Variants in IL1RAPL2 observed in about 807,000 individuals in gnomAD.
The protein encoded by IL1RAPL2 is X-linked interleukin-1 receptor accessory protein-like 2.
A neutral mutation model predicts 44.1 loss-of-function variants in IL1RAPL2; 3 were observed. The ratio of observed to expected loss-of-function variants is 0.07; its 90% CI spans 0.03 to 0.18. The LOEUF (loss-of-function observed/expected upper bound fraction) is 0.18. Ranked by LOEUF, IL1RAPL2 falls within the 10% of genes least tolerant of loss-of-function variation. IL1RAPL2 has a pLI of 1.00. For synonymous variants in IL1RAPL2, 181 were observed against 178.8 expected, an observed-to-expected ratio of 1.01 and a Z score of -0.10; for missense variants, 391 against 496.4, an observed-to-expected ratio of 0.79 and a Z score of 2.02.
chrX:104,945,218 G>A (rs1051427626), intron 2 of IL1RAPL2, among the ~76,000 whole-genome samples: 1 of 110,575 alleles, frequency 9.0e-6, no homozygotes, highest in Admixed American at 9.7e-5. Context: ...ATAGTATAAT[G>A]GTGGGAAAGA....
chrX:105,642,301 A>T (rs1379445937), intron 6 of IL1RAPL2, among the ~76,000 whole-genome samples: 2 of 112,092 alleles, frequency 1.8e-5, no homozygotes, highest in African/African-American at 6.5e-5. Flanking sequence ...ATACTTCCCA[A>T]GTAATATACA....
chrX:104,924,044 TA>T (rs57049694), intron 2 of IL1RAPL2, among the ~76,000 whole-genome samples: 6,440 of 97,222 alleles, frequency 0.066, 534 homozygotes, highest in African/African-American at 0.22. Context: ...ATAACAATAG[TA>T]AAAAAAAAAA....
chrX:105,447,452 A>T (rs1194515327), intron 5 of IL1RAPL2, among the ~76,000 whole-genome samples: 2 of 72,786 alleles, frequency 2.7e-5, no homozygotes, highest in African/African-American at 5.8e-5. Context: ...TATAAATATA[A>T]ATAAACATAA....
intron 2 of IL1RAPL2, among the ~76,000 whole-genome samples, chrX:104,995,509 CAA>C (rs2030732650): frequency 9.0e-6 from 1 of 111,474 alleles, no homozygotes; most frequent in Admixed American, 9.6e-5. Flanking sequence ...GTCTGTTTCA[CAA>C]AATGTGCCCA....
intron 5 of IL1RAPL2, among the ~76,000 whole-genome samples, chrX:105,432,974 T>C (rs1222945473): frequency 9.0e-6 from 1 of 111,556 alleles, no homozygotes; most frequent in Non-Finnish European, 1.9e-5. Flanking sequence ...TTATAGACCA[T>C]GTCTGAGCAT....
chrX:105,092,780 G>A (rs1243017147), intron 2 of IL1RAPL2, among the ~76,000 whole-genome samples: 1 of 111,039 alleles, frequency 9.0e-6, no homozygotes, highest in Non-Finnish European at 1.9e-5. Flanking sequence ...CAATCAACTT[G>A]CCAAAAGTTG....
At chrX:104,594,922 A>T (rs1272643958) in intron 1 of IL1RAPL2, among the ~76,000 whole-genome samples, 2 of 112,084 alleles carry the variant, frequency 1.8e-5, no homozygotes, top group African/African-American at 6.5e-5. Flanking sequence ...TTAGATAGTG[A>T]GAAGATGATT....
chrX:104,898,119 C>A (rs1923706657), intron 2 of IL1RAPL2, among the ~76,000 whole-genome samples: 1 of 111,707 alleles, frequency 9.0e-6, no homozygotes, highest in African/African-American at 3.3e-5. Flanking sequence ...AGATAGGAGA[C>A]CTAAATTTTC....
intron 2 of IL1RAPL2, among the ~76,000 whole-genome samples, chrX:104,887,176 G>A (rs1239054273): frequency 8.9e-6 from 1 of 112,217 alleles, no homozygotes; most frequent in Non-Finnish European, 1.9e-5. Context: ...ATAGTGAGAT[G>A]ACTAGACCAC....
chrX:105,179,795 T>A, intron 2 of IL1RAPL2, among the ~76,000 whole-genome samples: 1 of 107,198 alleles, frequency 9.3e-6, no homozygotes, highest in East Asian at 2.9e-4. Flanking sequence ...TTTGCCTAGG[T>A]CATTATTGAT....
intron 5 of IL1RAPL2, among the ~76,000 whole-genome samples, chrX:105,315,877 G>A (rs1357890196): frequency 4.6e-5 from 5 of 108,368 alleles, no homozygotes; most frequent in Non-Finnish European, 9.6e-5. Flanking sequence ...TTTGTTTTCT[G>A]TTGTGCATTC....
rs189532058 is a variant in IL1RAPL2 at position 104,877,171 on chromosome X, A to G, written c.82+218176A>G. ...TGGTTCCAAGTCTTTGCTATTGTGA[A>G]TAATGCTGCAATAAACATACGGGTG... On this transcript the variant is annotated intron_variant, in intron 2 of 10. Coordinates refer to ENST00000372582, the MANE Select transcript of IL1RAPL2 (RefSeq NM_017416.2). Among the ~76,000 whole-genome samples, 295 of 111,547 alleles carry G rather than the reference A, an allele frequency of 2.6e-3. 8 individuals carry two copies. The East Asian group carries it at 0.073, about 28-fold the overall frequency.
chrX:105,035,964 G>A (rs1276295177), intron 2 of IL1RAPL2, among the ~76,000 whole-genome samples: 1 of 111,038 alleles, frequency 9.0e-6, no homozygotes. Flanking sequence ...GCTTTTTTTT[G>A]TATAAGAGTC....
chrX:104,983,452 T>C (rs867684220), intron 2 of IL1RAPL2, among the ~76,000 whole-genome samples: 1 of 85,978 alleles, frequency 1.2e-5, no homozygotes, highest in Non-Finnish European at 2.2e-5. Context: ...TACATAATAT[T>C]ATATAATATT....
chrX:104,945,427 C>A (rs1925317801), intron 2 of IL1RAPL2, among the ~76,000 whole-genome samples: 1 of 110,861 alleles, frequency 9.0e-6, no homozygotes, highest in Admixed American at 9.7e-5. Context: ...GCAAAGGTTT[C>A]ATAAGATAGA....
chrX:105,606,661 A>C (rs954287902), intron 6 of IL1RAPL2, among the ~76,000 whole-genome samples: 1 of 111,992 alleles, frequency 8.9e-6, no homozygotes, highest in African/African-American at 3.2e-5. Flanking sequence ...TTAAGTGTCC[A>C]ACAACATATG....
intron 6 of IL1RAPL2, among the ~76,000 whole-genome samples, chrX:105,615,070 A>G (rs1401150978): frequency 2.7e-5 from 3 of 112,430 alleles, no homozygotes; most frequent in Non-Finnish European, 5.6e-5. Context: ...ACATGGGTAT[A>G]TGAAAAGCTG....
chrX:105,026,710 A>T (rs1346758300), intron 2 of IL1RAPL2, among the ~76,000 whole-genome samples: 1 of 111,206 alleles, frequency 9.0e-6, no homozygotes, highest in Admixed American at 9.6e-5. Context: ...AAATGGAAAG[A>T]TATTCCATGT....
intron 5 of IL1RAPL2, among the ~76,000 whole-genome samples, chrX:105,344,350 G>A (rs892984222): frequency 8.9e-6 from 1 of 111,807 alleles, no homozygotes; most frequent in African/African-American, 3.2e-5. Context: ...CTAGCTCTGT[G>A]ATCTTAGGCA....
Sources: allele counts gnomAD v4.1 joint callset (sites outside exome capture counted in the v4.1 genomes callset), GRCh38; gene constraint gnomAD v4.1.1; transcripts MANE v1.5; gene names NCBI Gene and HGNC (gene_info 2026-07-23, HGNC 2026-07-21).